Variants in DOCK4 observed in about 807,000 individuals in gnomAD.
The protein encoded by DOCK4 is dedicator of cytokinesis 4.
In DOCK4, 97 loss-of-function variants were observed where a neutral mutation model predicts 268.1. That is an observed-to-expected ratio of 0.36 (90% CI 0.31 to 0.43). The LOEUF (loss-of-function observed/expected upper bound fraction) is 0.43. Ranked by LOEUF, DOCK4 falls within the 20% of genes least tolerant of loss-of-function variation. The probability of loss-of-function intolerance (pLI) is 1.00; values close to 1 mark genes in which losing one functional copy is unlikely to be tolerated. For missense variants in DOCK4, 2,145 were observed against 2,455.7 expected (o/e 0.87, Z 2.67); for synonymous variants, 954 against 887.2 (o/e 1.08, Z -1.34).
chr7:111,868,347 G>A (rs542339274), intron 21 of DOCK4, among the ~76,000 whole-genome samples, 193 bp from the exon 22 acceptor site: 2 of 151,906 alleles, frequency 1.3e-5, no homozygotes, highest in Admixed American at 6.6e-5. Context: ...TGCCTAATGA[G>A]AGAAAAAAAA....
chr7:112,061,305 C>T (rs1806362060), intron 1 of DOCK4, among the ~76,000 whole-genome samples: 1 of 152,146 alleles, frequency 6.6e-6, no homozygotes, highest in South Asian at 2.1e-4. Flanking sequence ...TGCCCCACAC[C>T]CTTGAGGATT....
At chr7:111,972,467 T>G (rs1197905318) in intron 8 of DOCK4, among the ~76,000 whole-genome samples, 1 of 152,206 alleles carries the variant, frequency 6.6e-6, no homozygotes, top group Non-Finnish European at 1.5e-5. Context: ...CAATAAATAC[T>G]GGCTGTTTGC....
intron 1 of DOCK4, among the ~76,000 whole-genome samples, chr7:112,141,717 A>G (rs1255630882): frequency 6.6e-6 from 1 of 152,132 alleles, no homozygotes; most frequent in East Asian, 1.9e-4. Context: ...GCAAACTCAA[A>G]TGTTAATGGG....
chr7:112,071,525 C>T (rs554373080), intron 1 of DOCK4, among the ~76,000 whole-genome samples: 1 of 152,112 alleles, frequency 6.6e-6, no homozygotes, highest in African/African-American at 2.4e-5. Context: ...CACGAGAATG[C>T]AAACATATAA....
intron 1 of DOCK4, among the ~76,000 whole-genome samples, chr7:112,101,389 A>G (rs145515321): frequency 1.3e-5 from 2 of 152,380 alleles, no homozygotes; most frequent in African/African-American, 4.8e-5. Flanking sequence ...TATATGCTAT[A>G]AAGAAGAAAG....
chr7:112,172,509 G>A (rs1159080343), intron 1 of DOCK4, among the ~76,000 whole-genome samples: 1 of 152,142 alleles, frequency 6.6e-6, no homozygotes, highest in Non-Finnish European at 1.5e-5. Flanking sequence ...TGTATCAAGA[G>A]AACAAGTGAC....
At position 111,761,956 on chromosome 7, in the gene DOCK4, C is replaced by T. The variant is rs184655475; in HGVS notation, c.4021-1634G>A. ...TTGGTAAAATAAAACACAATACATC[C>T]CTCTCTGCCTATTACAGGAGCCCCC... On this transcript the variant is annotated intron_variant, in intron 39 of 52. Coordinates refer to ENST00000428084, the MANE Select transcript of DOCK4 (RefSeq NM_001363540.2). 1.8e-4 allele frequency among the ~76,000 whole-genome samples: 27 copies of T among 152,146 alleles called. 1 individual carries two copies. The highest frequency in any genetic ancestry group is 1.7e-3 in the Admixed American group (26 of 15,280).
chr7:111,980,535 T>C (rs1798530965), intron 7 of DOCK4, among the ~76,000 whole-genome samples: 1 of 152,154 alleles, frequency 6.6e-6, no homozygotes, highest in Admixed American at 6.5e-5. Context: ...AAATAATGCA[T>C]TAATTATTGA....
intron 52 of DOCK4, 139 bp downstream of exon 52, chr7:111,732,087 C>G: frequency 2.4e-6 from 2 of 834,580 alleles, no homozygotes; most frequent in South Asian, 3.6e-5. Context: ...TTTTCTCAAC[C>G]AGCTTCCCCT....
rs1322568529 is a variant in DOCK4, at chr7:112,079,117, ACT to A, written c.38-74988_38-74987del. On this transcript the variant is annotated intron_variant, in intron 1 of 52. Transcript: ENST00000428084. Reference sequence around the variant, plus strand: ...ACTTCAGCCTGGGCAACAGAGCGAGACTCTGTCTCACACAAACAAACAAAAAT... The same window carrying A: ...ACTTCAGCCTGGGCAACAGAGCGAGACTGTCTCACACAAACAAACAAAAAT... Among the ~76,000 whole-genome samples the A allele has an allele frequency of 2.6e-5, 4 of 152,310 alleles. No homozygotes were observed. In the East Asian group the frequency reaches 7.7e-4, roughly 29 times the overall value.
intron 12 of DOCK4, among the ~76,000 whole-genome samples, chr7:111,933,736 G>C (rs1794463561): frequency 6.6e-6 from 1 of 152,096 alleles, no homozygotes; most frequent in African/African-American, 2.4e-5. Flanking sequence ...TGTTTGTTTA[G>C]TGGTAGATGC....
chr7:112,145,160 A>T (rs1018974619), intron 1 of DOCK4, among the ~76,000 whole-genome samples: 2 of 152,150 alleles, frequency 1.3e-5, no homozygotes, highest in Non-Finnish European at 2.9e-5. Context: ...GAGGTTAGCA[A>T]GCATCAGGCA....
At chr7:112,194,536 C>G (rs966226361) in intron 1 of DOCK4, among the ~76,000 whole-genome samples, 1 of 152,212 alleles carries the variant, frequency 6.6e-6, no homozygotes, top group Non-Finnish European at 1.5e-5. Flanking sequence ...AAACACAGTA[C>G]TTTCTGCACA....
At chr7:111,822,247 TAA>T in intron 27 of DOCK4, 113 bp downstream of exon 27, 1 of 775,634 alleles carries the variant, frequency 1.3e-6, no homozygotes, top group Non-Finnish European at 2.0e-6. Flanking sequence ...TTTAAAGGCT[TAA>T]TTCAGAGGCA....
At chr7:111,728,993 G>T (rs941157523) in intron 52 of DOCK4, among the ~76,000 whole-genome samples, 1 of 152,184 alleles carries the variant, frequency 6.6e-6, no homozygotes, top group African/African-American at 2.4e-5. Context: ...AGGGCGGTCT[G>T]CAAGCCCAGG....
At chr7:111,746,239 A>T in intron 44 of DOCK4, 95 bp downstream of exon 44, 1 of 951,556 alleles carries the variant, frequency 1.1e-6, no homozygotes, top group Non-Finnish European at 1.6e-6. Context: ...AGCTTCTGTT[A>T]GACCACTGAT....
rs190992046 is a variant in DOCK4 at position 111,939,866 on chromosome 7, T to C, written c.977+244A>G. Among the ~76,000 whole-genome samples, 362 of 152,362 alleles carry C rather than the reference T, an allele frequency of 2.4e-3. 5 individuals are homozygous for C. The highest frequency in any genetic ancestry group is 9.6e-4 in the East Asian group (5 of 5,184). The stretch of plus-strand genomic sequence containing the variant: ...AATTCAAAGGTGGTATCCCACATAG[T>C]AGACGGTCTACCTAACTGGTAAACT... On this transcript the variant is annotated intron_variant, in intron 11 of 52. Coordinates refer to ENST00000428084, the MANE Select transcript of DOCK4 (RefSeq NM_001363540.2).
At chr7:111,842,548 T>A in intron 25 of DOCK4, among the ~76,000 whole-genome samples, 1 of 152,110 alleles carries the variant, frequency 6.6e-6, no homozygotes, top group East Asian at 1.9e-4. Flanking sequence ...TGTCCCAACA[T>A]CTCTCCTAGA....
At position 111,944,853 on chromosome 7, in the gene DOCK4, G is replaced by A. The variant is rs775080594; in HGVS notation, c.802C>T (p.Leu268=). The change falls in exon 10 of 53, where the codon CTA becomes TTA. Residue 268 remains leucine (L), a synonymous_variant. Coordinates refer to ENST00000428084, the MANE Select transcript of DOCK4 (RefSeq NM_001363540.2). ...ACGGTGATATAAATGTCCTTTCTTA[G>A]CTCACTGCTGCCCAAATCCTACAAA... ...SLFVDLGSSE[L]RKDIYITVHI... is the part of the protein sequence containing the mutation. The A allele has an allele frequency of 6.2e-7, 1 of 1,613,878 alleles. No individual in the cohort carries two copies. Among genetic ancestry groups the A allele is most frequent in the Non-Finnish European group, 8.5e-7 (1 of 1,179,858 alleles).
Sources: gnomAD v4.1 joint callset for allele counts (sites outside exome capture counted in the v4.1 genomes callset) on GRCh38, gnomAD v4.1.1 for gene constraint, MANE v1.5 for transcripts, NCBI Gene and HGNC (gene_info 2026-07-23, HGNC 2026-07-21) for gene names.